NRXN3: variants seen among roughly 807,000 people sequenced by gnomAD.
NRXN3 encodes the protein neurexin III.
A neutral mutation model predicts 137.6 loss-of-function variants in NRXN3; 32 were observed. The observed-to-expected ratio is 0.23, with a 90% confidence interval of 0.18 to 0.31. The LOEUF is 0.31. Ranked by LOEUF, NRXN3 falls within the 10% of genes least tolerant of loss-of-function variation. NRXN3 has a pLI of 1.00. For synonymous variants in NRXN3, 798 were observed against 784.5 expected (o/e 1.02, Z -0.29); for missense variants, 1,574 against 2,062.5 (o/e 0.76, Z 4.59).
intron 16 of NRXN3, among the ~76,000 whole-genome samples, chr14:79,483,191 G>C (rs183034054): frequency 6.6e-6 from 1 of 152,334 alleles, no homozygotes; most frequent in East Asian, 1.9e-4. Flanking sequence ...CCAAAGAGCA[G>C]TTAGATGTGT....
At chr14:78,315,187 G>C in intron 4 of NRXN3, among the ~76,000 whole-genome samples, 1 of 151,576 alleles carries the variant, frequency 6.6e-6, no homozygotes. Context: ...ATTTTTAGTA[G>C]AGACCCTGTT....
rs184135706 is a variant in NRXN3 at position 78,368,545 on chromosome 14, A to G, written c.757+70685A>G. On this transcript the variant is annotated intron_variant, in intron 4 of 20. Coordinates refer to ENST00000335750, the MANE Select transcript of NRXN3 (RefSeq NM_001330195.2). ...CGTCTCTACTAAAAATACAAAAAAA[A>G]TTAGCCAGGCACTGTGGCGAGCACC... Among the ~76,000 whole-genome samples, 981 of 152,308 alleles carry G rather than the reference A, an allele frequency of 6.4e-3. 7 individuals carry two copies. The highest frequency in any genetic ancestry group is 0.011 in the Non-Finnish European group (722 of 68,024).
chr14:78,491,231 A>G (rs1172342647), intron 4 of NRXN3, among the ~76,000 whole-genome samples: 1 of 152,148 alleles, frequency 6.6e-6, no homozygotes, highest in Non-Finnish European at 1.5e-5. Flanking sequence ...TGACCTAATT[A>G]TGAGTCTCGT....
chr14:79,456,854 TA>T (rs2096265409), intron 15 of NRXN3, among the ~76,000 whole-genome samples: 1 of 152,044 alleles, frequency 6.6e-6, no homozygotes, highest in South Asian at 2.1e-4. Context: ...CTAGGTATTT[TA>T]AAAATGATAA....
chr14:78,689,214 T>C (rs1028161158), intron 6 of NRXN3, among the ~76,000 whole-genome samples: 1 of 152,136 alleles, frequency 6.6e-6, no homozygotes, highest in African/African-American at 2.4e-5. Flanking sequence ...ATACTCATCG[T>C]TGTATTTTTC....
chr14:79,548,215 T>A (rs1365262554), intron 16 of NRXN3, among the ~76,000 whole-genome samples: 2 of 151,990 alleles, frequency 1.3e-5, no homozygotes, highest in African/African-American at 4.8e-5. Context: ...CAGGTCTCAG[T>A]GTGTGATGTT....
intron 10 of NRXN3, among the ~76,000 whole-genome samples, chr14:78,905,814 T>G (rs2099214360): frequency 6.6e-6 from 1 of 151,990 alleles, no homozygotes; most frequent in Non-Finnish European, 1.5e-5. Context: ...AGAGAATACA[T>G]GAAAATACTA....
intron 4 of NRXN3, among the ~76,000 whole-genome samples, chr14:78,623,539 T>C (rs1052567967): frequency 2.0e-5 from 3 of 152,178 alleles, no homozygotes; most frequent in Admixed American, 6.5e-5. Flanking sequence ...AAATAGCCAT[T>C]CTATAGCAGA....
In NRXN3 at chr14:79,282,652, G is replaced by T. The variant is rs139750615; in HGVS notation, c.3263-184569G>T. 8.1e-4 allele frequency among the ~76,000 whole-genome samples: 124 copies of T among 152,198 alleles called. 1 individual carries two copies. The highest frequency in any genetic ancestry group is 2.9e-3 in the African/African-American group (119 of 41,534). On this transcript the variant is annotated intron_variant, in intron 15 of 20. Transcript: ENST00000335750. ...TTTCTCATTAACCTACATCTGATAAGGTTCAGTGTGATGGAAAATAAGAAG... is the reference window on the plus strand; with the variant it reads ...TTTCTCATTAACCTACATCTGATAATGTTCAGTGTGATGGAAAATAAGAAG...
intron 10 of NRXN3, among the ~76,000 whole-genome samples, chr14:78,904,891 C>G (rs2099210293): frequency 6.6e-6 from 1 of 152,102 alleles, no homozygotes; most frequent in Non-Finnish European, 1.5e-5. Flanking sequence ...TTCCACAATG[C>G]TGACCTAGGT....
intron 5 of NRXN3, among the ~76,000 whole-genome samples, chr14:78,646,549 C>T (rs79733654): frequency 0.033 from 4,987 of 152,262 alleles, 292 homozygotes; most frequent in African/African-American, 0.11. Flanking sequence ...TGTCTGCCTA[C>T]GTTTTCTGTT....
At chr14:79,770,862 A>G (rs1054093815) in intron 19 of NRXN3, among the ~76,000 whole-genome samples, 2 of 152,124 alleles carry the variant, frequency 1.3e-5, no homozygotes, top group Admixed American at 6.6e-5. Context: ...GATCAACAAA[A>G]TTGATAGACC....
At chr14:79,487,287 G>T (rs930415439) in intron 16 of NRXN3, among the ~76,000 whole-genome samples, 1 of 151,978 alleles carries the variant, frequency 6.6e-6, no homozygotes, top group African/African-American at 2.4e-5. Context: ...AAAGCTTAAA[G>T]CACAGTCCTT....
intron 15 of NRXN3, among the ~76,000 whole-genome samples, chr14:78,989,665 G>A (rs2099514524): frequency 6.6e-6 from 1 of 152,108 alleles, no homozygotes; most frequent in Non-Finnish European, 1.5e-5. Flanking sequence ...AGAACCTGAG[G>A]AATTATACTA....
At chr14:78,232,286 GGAGA>G (rs2065532544) in intron 1 of NRXN3, among the ~76,000 whole-genome samples, 1 of 152,224 alleles carries the variant, frequency 6.6e-6, no homozygotes, top group African/African-American at 2.4e-5. Context: ...CTCCATTAAT[GGAGA>G]ATTTGTCAAG....
At chr14:79,809,755 G>A (rs1284255377) in intron 20 of NRXN3, among the ~76,000 whole-genome samples, 2 of 152,156 alleles carry the variant, frequency 1.3e-5, no homozygotes, top group Admixed American at 1.3e-4. Flanking sequence ...CATATAAACT[G>A]TTTCATTCCC....
intron 19 of NRXN3, among the ~76,000 whole-genome samples, chr14:79,721,990 T>C (rs1371105021): frequency 1.3e-5 from 2 of 152,072 alleles, no homozygotes; most frequent in Admixed American, 6.6e-5. Context: ...AAGAAAATGG[T>C]CTGTGGAGTC....
rs1261484351 is a variant in NRXN3, at chr14:79,868,002, G to T, written c.*6038G>T. On this transcript the variant is annotated 3_prime_UTR_variant, in exon 21 of 21. Transcript: ENST00000335750. ...ATTACATGGGTTCTAGAGTCAAAATGCCATGGCTCATCTGGTACTGTAACT... is the reference window on the plus strand; with the variant it reads ...ATTACATGGGTTCTAGAGTCAAAATTCCATGGCTCATCTGGTACTGTAACT... 1 of 151,820 alleles carries T rather than the reference G, an allele frequency of 6.6e-6. No individual in the cohort carries two copies. The highest frequency in any genetic ancestry group is 1.5e-5 in the Non-Finnish European group (1 of 67,970). 9.4% of individuals were successfully genotyped at this position (151,820 alleles called of 1,614,324 possible).
intron 1 of NRXN3, among the ~76,000 whole-genome samples, chr14:78,194,992 A>G (rs1235425736): frequency 6.6e-6 from 1 of 152,236 alleles, no homozygotes; most frequent in Non-Finnish European, 1.5e-5. Context: ...TCTCTTGCTC[A>G]GACATTTCAG....
Sources: allele counts gnomAD v4.1 joint callset (sites outside exome capture counted in the v4.1 genomes callset), GRCh38; gene constraint gnomAD v4.1.1; transcripts MANE v1.5; gene names NCBI Gene and HGNC (gene_info 2026-07-23, HGNC 2026-07-21).